The following ZDHHC21 variants were observed in gnomAD, a reference collection of about 807,000 sequenced individuals.
The protein encoded by ZDHHC21 is palmitoyltransferase ZDHHC21.
Under a neutral mutation model 34.6 loss-of-function variants are expected in ZDHHC21, and 15 were observed. The observed-to-expected ratio is 0.43, with a 90% CI of 0.29 to 0.67. ZDHHC21 has a LOEUF of 0.67. Among genes scored for constraint, ZDHHC21 ranks in the 30% least tolerant of loss-of-function variants. The pLI, the probability that ZDHHC21 is intolerant of heterozygous loss-of-function variation, is 0.14. For missense variants in ZDHHC21, 344 were observed against 327.7 expected (o/e 1.05, Z -0.38); for synonymous variants, 142 against 101.8 (o/e 1.40, Z -2.38).
intron 8 of ZDHHC21, among the ~76,000 whole-genome samples, chr9:14,631,714 C>A (rs1165157203): frequency 6.6e-6 from 1 of 152,100 alleles, no homozygotes; most frequent in Non-Finnish European, 1.5e-5. Context: ...TATTTGGCCT[C>A]ATTTCAACAT....
At chr9:14,674,442 T>C (rs1319955679) in intron 3 of ZDHHC21, 57 bp from the exon 4 acceptor site, 1 of 1,167,578 alleles carries the variant, frequency 8.6e-7, no homozygotes, top group Non-Finnish European at 1.2e-6. Context: ...GACTAAAACC[T>C]GTATTTCTGG....
intron 8 of ZDHHC21, 120 bp downstream of exon 8, chr9:14,639,776 T>C (rs1364603777): frequency 1.9e-6 from 1 of 533,970 alleles, no homozygotes. Context: ...CACATGAAAG[T>C]ATTAAAAAGC....
chr9:14,606,319 T>C (rs1023878328), downstream of ZDHHC21, among the ~76,000 whole-genome samples: 2 of 152,150 alleles, frequency 1.3e-5, no homozygotes, highest in Admixed American at 1.3e-4. Context: ...AGTGACATAG[T>C]TTCTTTCTGG....
intron 6 of ZDHHC21, among the ~76,000 whole-genome samples, chr9:14,660,908 C>G (rs1041532250): frequency 6.6e-6 from 1 of 152,086 alleles, no homozygotes; most frequent in Non-Finnish European, 1.5e-5. Context: ...AAAAACTGAG[C>G]TTTTCTGTAT....
At chr9:14,599,552 G>GTT in the ZDHHC21 span, among the ~76,000 whole-genome samples, 5 of 147,360 alleles carry the variant, frequency 3.4e-5, no homozygotes, top group African/African-American at 1.2e-4. Context: ...AGCTGCAGGA[G>GTT]TTTTTTTTTT....
chr9:14,637,034 A>G (rs552033145), intron 8 of ZDHHC21, among the ~76,000 whole-genome samples: 2 of 152,188 alleles, frequency 1.3e-5, no homozygotes, highest in African/African-American at 4.8e-5. Flanking sequence ...AATTAGTAGA[A>G]GGAAAGAAAT....
chr9:14,630,568 A>G (rs1296244590), intron 8 of ZDHHC21, among the ~76,000 whole-genome samples: 1 of 152,208 alleles, frequency 6.6e-6, no homozygotes, highest in African/African-American at 2.4e-5. Flanking sequence ...CTAAAATGGT[A>G]AATCTTTTCC....
At chr9:14,673,936 GT>G (rs1301654748) in intron 4 of ZDHHC21, among the ~76,000 whole-genome samples, 2 of 151,922 alleles carry the variant, frequency 1.3e-5, no homozygotes, top group Non-Finnish European at 2.9e-5. Flanking sequence ...TACTGTGTCA[GT>G]TTTCTATTTT....
chr9:14,605,656 A>G, the ZDHHC21 span, among the ~76,000 whole-genome samples: 1 of 152,194 alleles, frequency 6.6e-6, no homozygotes, highest in Non-Finnish European at 1.5e-5. Flanking sequence ...GATTCTATTA[A>G]GTCTCCTTAG....
chr9:14,632,788 G>C (rs1435824705), intron 8 of ZDHHC21, among the ~76,000 whole-genome samples: 1 of 151,882 alleles, frequency 6.6e-6, no homozygotes, highest in African/African-American at 2.4e-5. Flanking sequence ...ATGGTCAAAG[G>C]ATTTCTCCAA....
At chr9:14,588,906 A>T in the ZDHHC21 span, 1 of 152,210 alleles carries the variant, frequency 6.6e-6, no homozygotes, top group Non-Finnish European at 1.5e-5. Context: ...GATCAAGCCG[A>T]TATCAGTGAG....
At chr9:14,595,948 G>GC in the ZDHHC21 span, among the ~76,000 whole-genome samples, 8 of 152,194 alleles carry the variant, frequency 5.3e-5, no homozygotes, top group Non-Finnish European at 1.0e-4. Context: ...AAGACACGGA[G>GC]CAACTGGAAC....
At chr9:14,620,837 G>T (rs1414795027) in intron 8 of ZDHHC21, among the ~76,000 whole-genome samples, 3 of 151,882 alleles carry the variant, frequency 2.0e-5, no homozygotes, top group South Asian at 4.1e-4. Flanking sequence ...CATTTTCCAG[G>T]AATTTTTAAA....
chr9:14,675,779 T>C lies in ZDHHC21; in HGVS notation c.-45-1394A>G, dbSNP rs12341076. Among the ~76,000 whole-genome samples the C allele has an allele frequency of 7.4e-3, 1,124 of 152,104 alleles. 15 individuals are homozygous for C. The highest frequency in any genetic ancestry group is 0.026 in the African/African-American group (1,062 of 41,536). On this transcript the variant is annotated intron_variant, in intron 3 of 9. Transcript: ENST00000380916. The stretch of plus-strand genomic sequence containing the variant: ...AAAATGTTAGTAGGGGCACAGAAGA[T>C]GGGACCAGTTAAACGAGGAATCAAG...
chr9:14,647,713 T>C (rs1264682905), intron 7 of ZDHHC21, among the ~76,000 whole-genome samples: 2 of 152,128 alleles, frequency 1.3e-5, no homozygotes, highest in African/African-American at 4.8e-5. Flanking sequence ...ACCACCATTC[T>C]ACTCGTGTTT....
intron 7 of ZDHHC21, among the ~76,000 whole-genome samples, chr9:14,652,118 T>C (rs896728085): frequency 6.6e-6 from 1 of 151,982 alleles, no homozygotes; most frequent in African/African-American, 2.4e-5. Context: ...GATTTAGTGA[T>C]TCTAACAAAA....
rs1285520812 is a variant in ZDHHC21, at chr9:14,687,309, G to A, written c.-176+3028C>T. ...ACTGCAGACACAGCCTCTGAAATGA[G>A]ATTCGTATTTCAGTACTAGATAAAC... On this transcript the variant is annotated intron_variant, in intron 2 of 9. Transcript: ENST00000380916. 4.6e-5 allele frequency among the ~76,000 whole-genome samples: 7 copies of A among 150,700 alleles called. 2 individuals carry two copies. The highest frequency in any genetic ancestry group is 1.7e-4 in the African/African-American group (7 of 40,036).
intron 4 of ZDHHC21, 62 bp downstream of exon 4, chr9:14,674,124 AC>A: frequency 8.5e-7 from 1 of 1,171,080 alleles, no homozygotes. Flanking sequence ...GTGGCACTAC[AC>A]CCCAAAAACG....
Position 14,618,437 on chromosome 9 carries a change from T to C in ZDHHC21, c.*529A>G, listed in dbSNP as rs991725845. 1.3e-5 allele frequency: 2 copies of C among 152,584 alleles called. No individual in the cohort carries two copies. Among genetic ancestry groups the C allele is most frequent in the Admixed American group, 1.3e-4 (2 of 15,258 alleles). The allele number at this position is 152,584 out of a possible 1,614,324, so 9.5% of individuals were successfully genotyped here. Reference sequence around the variant, plus strand: ...CCCGTTTTGTGTTGCTGTTGTTCACTCCTATGCTGCTGCATTTTTAAAAAC... The same window carrying C: ...CCCGTTTTGTGTTGCTGTTGTTCACCCCTATGCTGCTGCATTTTTAAAAAC... On this transcript the variant is annotated 3_prime_UTR_variant, in exon 10 of 10. Transcript: ENST00000380916.
Sources: gnomAD v4.1 joint callset for allele counts (sites outside exome capture counted in the v4.1 genomes callset) on GRCh38, gnomAD v4.1.1 for gene constraint, MANE v1.5 for transcripts, NCBI Gene and HGNC (gene_info 2026-07-23, HGNC 2026-07-21) for gene names.